Variants in ATL3 observed in about 807,000 individuals in gnomAD.
ATL3 encodes atlastin GTPase 3.
Under a neutral mutation model 69.5 loss-of-function variants are expected in ATL3, and 49 were observed. The observed-to-expected ratio is 0.71, with a 90% CI of 0.56 to 0.89. ATL3 has a LOEUF of 0.89. Ranked by LOEUF, ATL3 falls within the 40% of genes least tolerant of loss-of-function variation. The pLI, the probability that ATL3 is intolerant of heterozygous loss-of-function variation, is 0.00. For synonymous variants in ATL3, 214 were observed against 224.1 expected, an observed-to-expected ratio of 0.95 and a Z score of 0.40; for missense variants, 606 against 645.7, an observed-to-expected ratio of 0.94 and a Z score of 0.67.
At chr11:63,630,800 CAAAAAA>C (rs58752695) in intron 12 of ATL3, among the ~76,000 whole-genome samples, 1 of 109,924 alleles carries the variant, frequency 9.1e-6, no homozygotes, top group Non-Finnish European at 1.9e-5. Context: ...GACTTTGTCT[CAAAAAA>C]AAAAAAAAAA....
intron 11 of ATL3, chr11:63,632,526 TA>T (rs1250627988): frequency 2.3e-6 from 2 of 865,626 alleles, no homozygotes; most frequent in Non-Finnish European, 4.0e-6. Context: ...CAGATTTCTT[TA>T]AAAGCTACAG....
In ATL3 at chr11:63,671,328, G is replaced by A. The variant is rs1038855121; in HGVS notation, c.8C>T (p.Ser3Phe). MLSPQRVAAAASR... is the reference protein window; with the variant it reads MLFPQRVAAAASR... Reference sequence around the variant, plus strand: ...GGCAGCTGCTGCCACTCGCTGAGGGGACAACATGGAGCCTCCGCCTTCAAA... The same window carrying A: ...GGCAGCTGCTGCCACTCGCTGAGGGAACAACATGGAGCCTCCGCCTTCAAA... Residue 3 changes from serine (S) to phenylalanine (F), a missense_variant, in exon 1 of 13, where the codon TCC becomes TTC. Ser to Phe is a radical substitution (Grantham distance 155). Coordinates refer to ENST00000398868, the MANE Select transcript of ATL3 (RefSeq NM_015459.5). 6.3e-7 allele frequency: 1 copy of A among 1,586,288 alleles called. No individual in the cohort carries two copies. Among genetic ancestry groups the A allele is most frequent in the Non-Finnish European group, 8.6e-7 (1 of 1,168,182 alleles).
upstream of ATL3, chr11:63,671,458 C>T (rs763312389): frequency 2.6e-4 from 385 of 1,483,670 alleles, no homozygotes; most frequent in Admixed American, 1.2e-4. Context: ...AAAAACTAGC[C>T]AGAAGGTGGG....
At chr11:63,646,592 A>G in intron 5 of ATL3, 29 bp from the exon 6 acceptor site, 1 of 1,508,338 alleles carries the variant, frequency 6.6e-7, no homozygotes, top group Non-Finnish European at 9.1e-7. Flanking sequence ...ATGGTTTGTA[A>G]AGCAAAATTA....
intron 8 of ATL3, 34 bp downstream of exon 8, chr11:63,643,323 G>T: frequency 1.3e-6 from 2 of 1,531,254 alleles, no homozygotes; most frequent in South Asian, 1.3e-5. Context: ...TCCAAAGATC[G>T]AATCACAGGT....
chr11:63,668,790 C>CTTTTTT (rs386373974), intron 1 of ATL3, among the ~76,000 whole-genome samples: 14 of 81,496 alleles, frequency 1.7e-4, no homozygotes, highest in Non-Finnish European at 2.5e-4. Flanking sequence ...AGCTGTGTTC[C>CTTTTTT]TTTTTTTTTT....
intron 11 of ATL3, chr11:63,632,399 T>C (rs182824739): frequency 9.3e-6 from 8 of 859,412 alleles, no homozygotes; most frequent in Middle Eastern, 4.4e-4. Context: ...AGTCGACATT[T>C]TGATAGTATC....
chr11:63,669,038 G>A (rs1940685182), intron 1 of ATL3, among the ~76,000 whole-genome samples: 1 of 144,896 alleles, frequency 6.9e-6, no homozygotes, highest in Admixed American at 7.0e-5. Flanking sequence ...TCACCATGTT[G>A]GCCAGGCTGG....
At position 63,636,258 on chromosome 11, in the gene ATL3, C is replaced by T; in HGVS notation, c.927G>A (p.Lys309=). 1 of 1,614,156 alleles carries T rather than the reference C, an allele frequency of 6.2e-7. No individual in the cohort carries two copies. Among genetic ancestry groups the T allele is most frequent in the Non-Finnish European group, 8.5e-7 (1 of 1,180,032 alleles). ...AGGTGACCTTTGAGCCATTGATCTCCTTTTCCATTAACTTAGATGGGTTTA... is the reference window on the plus strand; with the variant it reads ...AGGTGACCTTTGAGCCATTGATCTCTTTTTCCATTAACTTAGATGGGTTTA... ...YVLNPSKLME[K]EINGSKVTCR... is the part of the protein sequence containing the mutation. Residue 309 remains lysine, a synonymous_variant, in exon 9 of 13, where the codon AAG becomes AAA. Transcript: ENST00000398868.
At chr11:63,656,731 C>CAAA (rs34700325) in intron 3 of ATL3, among the ~76,000 whole-genome samples, 1 of 103,190 alleles carries the variant, frequency 9.7e-6, no homozygotes, top group Non-Finnish European at 2.1e-5. Flanking sequence ...GACTCCCTCT[C>CAAA]AAAAAAAAAA....
intron 6 of ATL3, among the ~76,000 whole-genome samples, chr11:63,645,001 A>G (rs1939821818): frequency 6.6e-6 from 1 of 152,124 alleles, no homozygotes; most frequent in Admixed American, 6.5e-5. Context: ...GAATCACTTG[A>G]ACCCAGGAGG....
intron 12 of ATL3, among the ~76,000 whole-genome samples, chr11:63,630,017 G>A (rs1258518868): frequency 6.6e-6 from 1 of 152,048 alleles, no homozygotes; most frequent in East Asian, 1.9e-4. Flanking sequence ...TTTTCGTTAA[G>A]TTCATAATTT....
At position 63,629,139 on chromosome 11, in the gene ATL3, G is replaced by A. The variant is rs1939218151; in HGVS notation, c.*180C>T. On this transcript the variant is annotated 3_prime_UTR_variant, in exon 13 of 13. Transcript: ENST00000398868. ...AGAAATGCTTCCAAGAGAAATGGAA[G>A]TGTGTTTAATAATTTGAAACCACAG... is the stretch of plus-strand genomic sequence containing the variant. 1.7e-6 allele frequency: 1 copy of A among 574,860 alleles called. No individual in the cohort carries two copies. 35.6% of individuals were successfully genotyped at this position (574,860 alleles called of 1,614,324 possible).
In ATL3 at chr11:63,658,834, C is replaced by T; in HGVS notation, c.332G>A (p.Gly111Glu). The change falls in exon 3 of 13, where the codon GGA (glycine) becomes GAA (glutamate). Residue 111 changes from glycine (G) to glutamate (E), a missense_variant. Physicochemically the swap from Gly to Glu is moderately conservative, Grantham distance 98. Transcript: ENST00000398868. ...AATCCCAGTGGTTTCTGGATCAGAT[C>T]CCCCTCTCCAGGAAAATCCTGTTAA... ...EPLTGFSWRG[G>E]SDPETTGIQI... 1 of 1,612,874 alleles carries T rather than the reference C, an allele frequency of 6.2e-7. No homozygotes were observed. Among genetic ancestry groups the T allele is most frequent in the African/African-American group, 1.3e-5 (1 of 75,014 alleles).
intron 11 of ATL3, chr11:63,632,592 C>A: frequency 1.2e-6 from 1 of 858,442 alleles, no homozygotes; most frequent in Middle Eastern, 3.4e-4. Flanking sequence ...CAGAATTCTA[C>A]AGATTCCAGT....
chr11:63,669,628 A>G (rs548487310), intron 1 of ATL3, among the ~76,000 whole-genome samples: 2 of 152,178 alleles, frequency 1.3e-5, no homozygotes, highest in South Asian at 4.1e-4. Flanking sequence ...TTCTACTACA[A>G]TGAGGTAGTA....
chr11:63,670,721 T>C (rs577182764), intron 1 of ATL3, among the ~76,000 whole-genome samples: 2 of 152,384 alleles, frequency 1.3e-5, no homozygotes, highest in South Asian at 4.1e-4. Context: ...ACTTTCCTAA[T>C]ACTTGTGGTC....
intron 8 of ATL3, among the ~76,000 whole-genome samples, chr11:63,637,320 C>G (rs1939554307): frequency 6.6e-6 from 1 of 151,698 alleles, no homozygotes; most frequent in Admixed American, 6.6e-5. Flanking sequence ...TTCAACAAGT[C>G]AATTTTCAAC....
At chr11:63,671,253 T>G in intron 1 of ATL3, 37 bp downstream of exon 1, 1 of 1,547,804 alleles carries the variant, frequency 6.5e-7, no homozygotes, top group Non-Finnish European at 8.7e-7. Context: ...GCGGCGGGGG[T>G]GGCCGCGGGG....
Sources: allele counts gnomAD v4.1 joint callset (sites outside exome capture counted in the v4.1 genomes callset), GRCh38; gene constraint gnomAD v4.1.1; transcripts MANE v1.5; gene names NCBI Gene and HGNC (gene_info 2026-07-23, HGNC 2026-07-21).